PCDHGA10: variants seen among roughly 807,000 people sequenced by gnomAD.
The protein encoded by PCDHGA10 is protocadherin gamma-A10.
In PCDHGA10, 42 loss-of-function variants were observed where a neutral mutation model predicts 59.5. The observed-to-expected ratio is 0.71, with a 90% CI of 0.55 to 0.91. PCDHGA10 has a LOEUF of 0.91. Among genes scored for constraint, PCDHGA10 ranks in the 40% least tolerant of loss-of-function variants. The pLI, the probability that PCDHGA10 is intolerant of heterozygous loss-of-function variation, is 0.00. For missense variants in PCDHGA10, 1,111 were observed against 1,198.2 expected, an observed-to-expected ratio of 0.93 and a Z score of 1.07; for synonymous variants, 511 against 517.2, an observed-to-expected ratio of 0.99 and a Z score of 0.16.
At chr5:141,417,117 C>A (rs1199474234) in intron 1 of PCDHGA10, 3 of 151,748 alleles carry the variant, frequency 2.0e-5, no homozygotes, top group Non-Finnish European at 4.4e-5. Context: ...TACAGGACAC[C>A]CTGGATGATG....
Position 141,432,530 on chromosome 5 carries a change from G to C in PCDHGA10, c.2436+16919G>C. On this transcript the variant is annotated intron_variant, in intron 1 of 3. Transcript: ENST00000398610. This position sits in a 1 kb window ranked among gnomAD's most constrained non-coding sequence, Gnocchi z 6.0. ...AGAGCCCGGCTACCTGGTGACCAAG[G>C]TGGTGGCGGTGGACAGAGACTCCGG... 6.2e-7 allele frequency: 1 copy of C among 1,614,076 alleles called. No homozygotes were observed. Among genetic ancestry groups the C allele is most frequent in the South Asian group, 1.1e-5 (1 of 91,082 alleles).
Position 141,483,381 on chromosome 5 carries a change from G to T in PCDHGA10, c.2437-11426G>T, listed in dbSNP as rs147887550. ...AAGCTATTGCAATATTTGAAGAGAA[G>T]ATTGATAAATGCTTGAACCAGCACA... On this transcript the variant is annotated intron_variant, in intron 1 of 3. Transcript: ENST00000398610. 2.0e-3 allele frequency among the ~76,000 whole-genome samples: 305 copies of T among 152,292 alleles called. 2 individuals are homozygous for T. Among genetic ancestry groups the T allele is most frequent in the African/African-American group, 6.9e-3 (286 of 41,558 alleles).
intron 1 of PCDHGA10, among the ~76,000 whole-genome samples, chr5:141,454,379 T>A (rs770736083): frequency 1.2e-3 from 179 of 152,316 alleles, no homozygotes; most frequent in Non-Finnish European, 2.1e-3. Flanking sequence ...TGGCAACTTG[T>A]CAAGATGAAG....
intron 2 of PCDHGA10, 34 bp from the exon 3 acceptor site, chr5:141,505,359 G>T: frequency 1.9e-6 from 3 of 1,613,870 alleles, no homozygotes; most frequent in Non-Finnish European, 2.5e-6. Context: ...TGCCGGCCTG[G>T]GAGTCTGTGC....
intron 1 of PCDHGA10, chr5:141,441,995 G>T: frequency 8.1e-6 from 2 of 246,740 alleles, no homozygotes; most frequent in Non-Finnish European, 8.0e-6. Flanking sequence ...CCGACGAGGT[G>T]CTGACAGCTC....
intron 1 of PCDHGA10, among the ~76,000 whole-genome samples, chr5:141,483,432 A>G (rs756227206): frequency 2.0e-5 from 3 of 152,200 alleles, no homozygotes; most frequent in African/African-American, 4.8e-5. Flanking sequence ...GAGGGAGCTG[A>G]CTACAATAAA....
chr5:141,456,715 A>G (rs2098881350), intron 1 of PCDHGA10, among the ~76,000 whole-genome samples: 1 of 152,204 alleles, frequency 6.6e-6, no homozygotes, highest in South Asian at 2.1e-4. Flanking sequence ...CTGTAATCCC[A>G]GCACTTTGGG....
intron 1 of PCDHGA10, among the ~76,000 whole-genome samples, chr5:141,429,602 C>T (rs548994907): frequency 1.1e-4 from 16 of 152,218 alleles, no homozygotes; most frequent in African/African-American, 3.6e-4. Flanking sequence ...TTCAAGTAAA[C>T]TCAATTTTAT....
intron 1 of PCDHGA10, chr5:141,423,031 A>G (rs761268652): frequency 1.2e-6 from 2 of 1,614,096 alleles, no homozygotes; most frequent in East Asian, 2.2e-5. Flanking sequence ...TTCAGGCCAG[A>G]ACGCCTGGCT....
intron 1 of PCDHGA10, chr5:141,423,365 T>A (rs1338039878): frequency 1.9e-6 from 3 of 1,614,096 alleles, no homozygotes; most frequent in South Asian, 1.1e-5. Context: ...ATCGTGCTGC[T>A]GGCACTCAGG....
chr5:141,453,021 A>G (rs1008711775), intron 1 of PCDHGA10, among the ~76,000 whole-genome samples: 1 of 152,200 alleles, frequency 6.6e-6, no homozygotes, highest in Non-Finnish European at 1.5e-5. Context: ...TATGTGATTC[A>G]TTAAAATAAA....
At position 141,425,978 on chromosome 5, in the gene PCDHGA10, A is replaced by T. The variant is rs182438141; in HGVS notation, c.2436+10367A>T. Among the ~76,000 whole-genome samples the T allele has an allele frequency of 3.9e-3, 592 of 152,340 alleles. 5 individuals carry two copies. Among genetic ancestry groups the T allele is most frequent in the African/African-American group, 0.014 (563 of 41,588 alleles). ...AGTCCAACACATCAGTCTAATTCTG[A>T]ATCCCATTGAATTAGCAAAGGCTTC... On this transcript the variant is annotated intron_variant, in intron 1 of 3. Coordinates refer to ENST00000398610, the MANE Select transcript of PCDHGA10 (RefSeq NM_018913.3).
chr5:141,505,190 G>A (rs1326515866), intron 2 of PCDHGA10, among the ~76,000 whole-genome samples: 1 of 152,186 alleles, frequency 6.6e-6, no homozygotes, highest in East Asian at 1.9e-4. Flanking sequence ...ATCGGAGGCA[G>A]CAAAGAGCTG....
At chr5:141,455,860 ATTATTTATTTATTTATTTAT>A (rs145569377) in intron 1 of PCDHGA10, among the ~76,000 whole-genome samples, 117 of 139,848 alleles carry the variant, frequency 8.4e-4, no homozygotes, top group Non-Finnish European at 9.4e-4. Flanking sequence ...AATTTCTTTT[ATTATTTATTTATTTATTTAT>A]TTATTTATTT....
chr5:141,459,289 A>G (rs2098965378), intron 1 of PCDHGA10, among the ~76,000 whole-genome samples: 1 of 152,216 alleles, frequency 6.6e-6, no homozygotes, highest in Non-Finnish European at 1.5e-5. Flanking sequence ...ATCTAAATGG[A>G]ATCCTATAAC....
At chr5:141,499,548 A>G (rs1312910986) in intron 2 of PCDHGA10, among the ~76,000 whole-genome samples, 3 of 152,226 alleles carry the variant, frequency 2.0e-5, no homozygotes, top group African/African-American at 7.2e-5. Flanking sequence ...ATGAACCTGT[A>G]TGATACCACT....
At chr5:141,453,351 C>A (rs1210851703) in intron 1 of PCDHGA10, among the ~76,000 whole-genome samples, 2 of 151,738 alleles carry the variant, frequency 1.3e-5, no homozygotes, top group Non-Finnish European at 2.9e-5. Flanking sequence ...CCAGGCTGAC[C>A]CTGAACTCCT....
chr5:141,432,652 C>T lies in PCDHGA10; in HGVS notation c.2436+17041C>T, dbSNP rs1004936183. On this transcript the variant is annotated intron_variant, in intron 1 of 3. Transcript: ENST00000398610. This position sits in a 1 kb window ranked among gnomAD's most constrained non-coding sequence, Gnocchi z 6.0. ...CGGGCGAGGTGCGCACGGCGCGAGC[C>T]CTGCTGGACAGAGACGCGCTCAAGC... The T allele has an allele frequency of 6.2e-7, 1 of 1,613,836 alleles. No individual in the cohort carries two copies. Among genetic ancestry groups the T allele is most frequent in the East Asian group, 2.2e-5 (1 of 44,860 alleles).
intron 1 of PCDHGA10, chr5:141,419,208 C>T: frequency 6.2e-7 from 1 of 1,613,966 alleles, no homozygotes; most frequent in Non-Finnish European, 8.5e-7. Flanking sequence ...GACAACGCGC[C>T]GGTTTTCGGA....
Sources: allele counts gnomAD v4.1 joint callset (sites outside exome capture counted in the v4.1 genomes callset), GRCh38; gene constraint gnomAD v4.1.1; non-coding constraint Gnocchi (gnomAD v3.1); transcripts MANE v1.5; gene names NCBI Gene and HGNC (gene_info 2026-07-23, HGNC 2026-07-21).